Variants in CD320 observed in about 807,000 individuals in gnomAD.
The protein encoded by CD320 is CD320 molecule, also known as CD320 antigen.
Under a neutral mutation model 22.1 loss-of-function variants are expected in CD320, and 16 were observed. The ratio of observed to expected loss-of-function variants is 0.73; its 90% confidence interval spans 0.49 to 1.10. The LOEUF is 1.10. Among genes scored for constraint, CD320 ranks in the 50% least tolerant of loss-of-function variants. CD320 has a pLI of 0.00. For synonymous variants in CD320, 188 were observed against 167.8 expected (o/e 1.12, Z -0.93); for missense variants, 388 against 376.9 (o/e 1.03, Z -0.24).
At chr19:8,302,699 A>C (rs1005715916) in intron 4 of CD320, 78 bp downstream of exon 4, 43 of 1,599,484 alleles carry the variant, frequency 2.7e-5, no homozygotes, top group Admixed American at 1.0e-4. Context: ...GGAGTTCTGC[A>C]GCTCATCCCT....
chr19:8,304,234 T>C (rs1363019651), intron 2 of CD320, 146 bp from the exon 3 acceptor site: 9 of 611,672 alleles, frequency 1.5e-5, no homozygotes, highest in Non-Finnish European at 2.7e-5. Flanking sequence ...CCCCTGCAAC[T>C]GTTAACTCCA....
At chr19:8,304,673 C>T in intron 2 of CD320, 1 of 230,758 alleles carries the variant, frequency 4.3e-6, no homozygotes, top group Non-Finnish European at 8.7e-6. Context: ...CCTTTCTTTC[C>T]TTTCTTTCAT....
chr19:8,305,525 T>A, intron 1 of CD320: 1 of 270,442 alleles, frequency 3.7e-6, no homozygotes, highest in Non-Finnish European at 7.4e-6. Context: ...CTGGCCTACA[T>A]GGAAACCCCG....
At chr19:8,306,239 C>T (rs1165631307) in intron 1 of CD320, among the ~76,000 whole-genome samples, 1 of 152,206 alleles carries the variant, frequency 6.6e-6, no homozygotes, top group Non-Finnish European at 1.5e-5. Flanking sequence ...CCATGTCTAA[C>T]AACTGTCCTT....
chr19:8,302,396 G>T lies in CD320; in HGVS notation c.*67C>A. 1 of 1,597,310 alleles carries T rather than the reference G, an allele frequency of 6.3e-7. No individual in the cohort carries two copies. ...GGCTGGTGTGCCCGGGTACCCATCC[G>T]CATCACTGCTCTCCTCCTGTCCGGC... On this transcript the variant is annotated 3_prime_UTR_variant, in exon 5 of 5. Coordinates refer to ENST00000301458, the MANE Select transcript of CD320 (RefSeq NM_016579.4).
chr19:8,305,299 C>G, intron 1 of CD320, 143 bp from the exon 2 acceptor site: 2 of 1,013,644 alleles, frequency 2.0e-6, no homozygotes, highest in South Asian at 3.0e-5. Context: ...TGTTACTGAG[C>G]CCCTAGTACG....
In CD320 at chr19:8,304,054, TG is replaced by T; in HGVS notation, c.302del (p.Pro101HisfsTer33). 1.3e-6 allele frequency: 2 copies of T among 1,551,476 alleles called. No individual in the cohort carries two copies. Among genetic ancestry groups the T allele is most frequent in the Non-Finnish European group, 1.7e-6 (2 of 1,144,908 alleles). ...IEPCTQKGQCPPPPGLPCPCT... is the reference protein window; with the variant it reads ...IEPCTQKGQCXPPPGLPCPCT... The stretch of plus-strand genomic sequence containing the variant: ...AGGGGCAGGGGAGGCCAGGGGGCGG[TG>T]GGCATTGCCCTTTCTGGGTACATGG... On this transcript the variant is annotated frameshift_variant, in exon 3 of 5. Transcript: ENST00000301458. LOFTEE classifies it high-confidence loss of function.
intron 3 of CD320, among the ~76,000 whole-genome samples, 153 bp from the exon 4 acceptor site, chr19:8,303,133 T>TTTA (rs1970035112): frequency 6.7e-6 from 1 of 148,770 alleles, no homozygotes; most frequent in African/African-American, 2.5e-5. Flanking sequence ...TTTTTTTTTT[T>TTTA]GGAGAGGGAG....
chr19:8,302,913 G>A lies in CD320; in HGVS notation c.570C>T (p.Val190=), dbSNP rs1198084823. The part of the protein sequence containing the change: ...TMGPPVTLES[V]TSLRNATTMG... ...TGGTTGTGGCATTCCTGAGAGAGGTGACACTCTCCAGGGTCACAGGGGGCC... is the reference window on the plus strand; with the variant it reads ...TGGTTGTGGCATTCCTGAGAGAGGTAACACTCTCCAGGGTCACAGGGGGCC... The change falls in exon 4 of 5, where the codon GTC becomes GTT. Residue 190 remains valine (V), a synonymous_variant. Transcript: ENST00000301458. 6.2e-7 allele frequency: 1 copy of A among 1,614,122 alleles called. No homozygotes were observed. Among genetic ancestry groups the A allele is most frequent in the African/African-American group, 1.3e-5 (1 of 75,034 alleles).
At chr19:8,303,178 G>A (rs143392365) in intron 3 of CD320, among the ~76,000 whole-genome samples, 198 bp from the exon 4 acceptor site, 8 of 149,484 alleles carry the variant, frequency 5.4e-5, no homozygotes, top group South Asian at 2.1e-4. Context: ...GTGCAGTGGC[G>A]CAATATTGGC....
rs560650557 is a variant in CD320, at chr19:8,305,087, G to C, written c.212C>G (p.Thr71Ser). The C allele has an allele frequency of 2.5e-5, 41 of 1,613,024 alleles. No individual in the cohort carries two copies. Among genetic ancestry groups the C allele is most frequent in the South Asian group, 5.5e-5 (5 of 91,080 alleles). The change falls in exon 2 of 5, where the codon ACC becomes AGC. Residue 71 changes from threonine to serine, a missense_variant. Coordinates refer to ENST00000301458, the MANE Select transcript of CD320 (RefSeq NM_016579.4). Reference sequence around the variant, plus strand: ...GTCCAAGTCCCTGTCGCAGCGCCAGGTGAGGGGCACGCATAAGCCACTGGT... The same window carrying C: ...GTCCAAGTCCCTGTCGCAGCGCCAGCTGAGGGGCACGCATAAGCCACTGGT... ...CRTSGLCVPLTWRCDRDLDCS... is the reference protein window; with the variant it reads ...CRTSGLCVPLSWRCDRDLDCS...
intron 4 of CD320, 26 bp downstream of exon 4, chr19:8,302,751 A>C (rs1970027556): frequency 1.2e-6 from 2 of 1,612,354 alleles, no homozygotes; most frequent in South Asian, 1.1e-5. Context: ...CTAAGCCCCC[A>C]GCATGGGAGG....
chr19:8,306,146 G>C (rs2145379817), intron 1 of CD320, among the ~76,000 whole-genome samples: 1 of 152,252 alleles, frequency 6.6e-6, no homozygotes. Context: ...TACACCCTGT[G>C]TTTTCCCCTC....
At chr19:8,305,295 T>C (rs1970073213) in intron 1 of CD320, 139 bp from the exon 2 acceptor site, 1 of 1,062,002 alleles carries the variant, frequency 9.4e-7, no homozygotes, top group Admixed American at 2.1e-5. Context: ...TGCTTGTTAC[T>C]GAGCCCCTAG....
In CD320 at chr19:8,308,221, G is replaced by T; in HGVS notation, c.70C>A (p.Leu24Met). 6.3e-7 allele frequency: 1 copy of T among 1,576,858 alleles called. No homozygotes were observed. Among genetic ancestry groups the T allele is most frequent in the South Asian group, 1.1e-5 (1 of 87,878 alleles). The change falls in exon 1 of 5, where the codon CTG becomes ATG. Residue 24 changes from leucine to methionine, a missense_variant. Physicochemically the swap from Leu to Met is conservative, Grantham distance 15. Transcript: ENST00000301458. ...TGALGLALLL[L>M]LGLGLGLEAA... Reference sequence around the variant, plus strand: ...TCCAGGCCTAGTCCGAGGCCGAGCAGCAGCAGCAGCGCCAGGCCCAGAGCC... The same window carrying T: ...TCCAGGCCTAGTCCGAGGCCGAGCATCAGCAGCAGCGCCAGGCCCAGAGCC...
At chr19:8,305,573 G>A in intron 1 of CD320, 1 of 226,884 alleles carries the variant, frequency 4.4e-6, no homozygotes, top group Non-Finnish European at 9.0e-6. Context: ...GGGCGTGGTA[G>A]TGCACGCCTG....
At chr19:8,307,079 G>C (rs1489915214) in intron 1 of CD320, among the ~76,000 whole-genome samples, 3 of 149,986 alleles carry the variant, frequency 2.0e-5, no homozygotes, top group East Asian at 2.0e-4. Context: ...AACACTTGAG[G>C]TCAGGAGTTC....
intron 1 of CD320, among the ~76,000 whole-genome samples, chr19:8,307,709 A>T (rs1970113454): frequency 6.6e-6 from 1 of 152,188 alleles, no homozygotes. Context: ...CTGGGAGGGC[A>T]GGGACGGTTG....
At chr19:8,303,507 G>A (rs1599621503) in intron 3 of CD320, among the ~76,000 whole-genome samples, 1 of 151,964 alleles carries the variant, frequency 6.6e-6, no homozygotes, top group Non-Finnish European at 1.5e-5. Flanking sequence ...CTGCCTCCCA[G>A]GTTCAAGCGG....
Sources: allele counts gnomAD v4.1 joint callset (sites outside exome capture counted in the v4.1 genomes callset), GRCh38; gene constraint gnomAD v4.1.1; transcripts MANE v1.5; gene names NCBI Gene and HGNC (gene_info 2026-07-23, HGNC 2026-07-21).